Variants in PCDH9 observed in about 807,000 individuals in gnomAD.
PCDH9 encodes the protein protocadherin-9.
Under a neutral mutation model 70.6 loss-of-function variants are expected in PCDH9, and 24 were observed. The ratio of observed to expected loss-of-function variants is 0.34; its 90% CI spans 0.25 to 0.48. PCDH9 has a LOEUF of 0.48. PCDH9 is among the 20% of genes least tolerant of loss of function. The pLI is 0.99. For synonymous variants in PCDH9, 562 were observed against 558.5 expected (o/e 1.01, Z -0.09); for missense variants, 1,281 against 1,503.6 (o/e 0.85, Z 2.45).
At chr13:66,930,697 T>C (rs2082792531) in intron 2 of PCDH9, among the ~76,000 whole-genome samples, 1 of 152,064 alleles carries the variant, frequency 6.6e-6, no homozygotes, top group Non-Finnish European at 1.5e-5. Context: ...TACAAGAATG[T>C]ATTTTGCACA....
chr13:66,317,072 A>G lies in PCDH9; in HGVS notation c.3341-12044T>C, dbSNP rs113718594. On this transcript the variant is annotated intron_variant, in intron 4 of 4. Coordinates refer to ENST00000377865, the MANE Select transcript of PCDH9 (RefSeq NM_203487.3). ...CACTCATCACTACCTTTCACAATAC[A>G]TTTATTTGTTAATGGTCTATCTCTC... is the stretch of plus-strand genomic sequence containing the variant. Among the ~76,000 whole-genome samples the G allele has an allele frequency of 7.4e-3, 1,128 of 152,230 alleles. 10 individuals are homozygous for G. Among genetic ancestry groups the G allele is most frequent in the African/African-American group, 0.025 (1,057 of 41,530 alleles).
intron 4 of PCDH9, among the ~76,000 whole-genome samples, chr13:66,311,788 T>C (rs935821265): frequency 2.0e-5 from 3 of 152,112 alleles, no homozygotes; most frequent in African/African-American, 4.8e-5. Context: ...AATAAATAGA[T>C]GTTTAGTTAT....
At chr13:66,926,827 A>G (rs2082725084) in intron 2 of PCDH9, among the ~76,000 whole-genome samples, 1 of 151,732 alleles carries the variant, frequency 6.6e-6, no homozygotes, top group Non-Finnish European at 1.5e-5. Flanking sequence ...ATGAGCTTAC[A>G]TTCTTTTAGG....
chr13:67,101,623 G>A (rs1040683843), intron 2 of PCDH9, among the ~76,000 whole-genome samples: 4 of 152,114 alleles, frequency 2.6e-5, no homozygotes, highest in Non-Finnish European at 5.9e-5. Context: ...TATGGAAAGA[G>A]TTTTTGTTCA....
intron 2 of PCDH9, among the ~76,000 whole-genome samples, chr13:66,949,221 C>T (rs551072063): frequency 2.0e-5 from 3 of 152,148 alleles, no homozygotes; most frequent in Admixed American, 6.6e-5. Context: ...CATTATAGCA[C>T]GGCAAAGAAA....
At chr13:66,547,824 A>G (rs13378584) in intron 4 of PCDH9, among the ~76,000 whole-genome samples, 221 of 148,428 alleles carry the variant, frequency 1.5e-3, no homozygotes, top group Non-Finnish European at 2.5e-3. Flanking sequence ...TGGATATGTC[A>G]GTATATAAAT....
At chr13:67,171,569 A>T (rs556726761) in intron 2 of PCDH9, among the ~76,000 whole-genome samples, 15 of 152,296 alleles carry the variant, frequency 9.8e-5, no homozygotes, top group African/African-American at 3.6e-4. Flanking sequence ...CAAAATTGTG[A>T]CTGTAGTCAT....
At chr13:66,548,741 CT>C (rs370492348) in intron 4 of PCDH9, among the ~76,000 whole-genome samples, 57 of 151,982 alleles carry the variant, frequency 3.8e-4, no homozygotes, top group African/African-American at 1.4e-3. Flanking sequence ...AAAATGGGAG[CT>C]TTTCAAAGGT....
At chr13:66,938,003 A>C (rs1051016477) in intron 2 of PCDH9, among the ~76,000 whole-genome samples, 3 of 152,208 alleles carry the variant, frequency 2.0e-5, no homozygotes, top group African/African-American at 7.2e-5. Flanking sequence ...GAATAAATAC[A>C]TCATAATCAT....
intron 3 of PCDH9, among the ~76,000 whole-genome samples, chr13:66,855,204 T>A (rs975674037): frequency 1.4e-4 from 22 of 152,098 alleles, no homozygotes; most frequent in Admixed American, 1.1e-3. Flanking sequence ...TTGGATCATG[T>A]CCTTGTGATT....
intron 2 of PCDH9, among the ~76,000 whole-genome samples, chr13:67,035,121 C>T (rs551873385): frequency 3.3e-5 from 5 of 151,942 alleles, no homozygotes; most frequent in Non-Finnish European, 4.4e-5. Flanking sequence ...TATGAAGTTC[C>T]AAGCTGAAGA....
chr13:66,386,300 G>A (rs1956928566), intron 4 of PCDH9, among the ~76,000 whole-genome samples: 1 of 151,882 alleles, frequency 6.6e-6, no homozygotes, highest in Admixed American at 6.6e-5. Flanking sequence ...ACTTAAGTTT[G>A]CTTTTTGGTG....
At chr13:66,744,100 G>A (rs571798596) in intron 3 of PCDH9, among the ~76,000 whole-genome samples, 1 of 152,316 alleles carries the variant, frequency 6.6e-6, no homozygotes, top group Admixed American at 6.5e-5. Context: ...GCAAAATCAT[G>A]ACTGGAATTA....
At chr13:67,007,202 G>C (rs1172040170) in intron 2 of PCDH9, among the ~76,000 whole-genome samples, 1 of 151,794 alleles carries the variant, frequency 6.6e-6, no homozygotes, top group Non-Finnish European at 1.5e-5. Flanking sequence ...GGTTGAAATA[G>C]CTAAAAATAT....
chr13:67,225,593 G>A lies in PCDH9; in HGVS notation c.2848C>T (p.Leu950Phe). The change falls in exon 2 of 5, where the codon CTC becomes TTC. Residue 950 changes from leucine (L) to phenylalanine (F), a missense_variant. By Grantham distance (22) the Leu-to-Phe change is conservative. Transcript: ENST00000377865. ...ACGGAAACTGGAGTGTCTGGTTTGA[G>A]ATGAAAAGCAGGCTGTGGAGAAGCA... Reference protein sequence around the residue: ...KSASPQPAFHLKPDTPVSVKK... With the variant: ...KSASPQPAFHFKPDTPVSVKK... The A allele has an allele frequency of 6.2e-7, 1 of 1,614,182 alleles. No homozygotes were observed. The highest frequency in any genetic ancestry group is 8.5e-7 in the Non-Finnish European group (1 of 1,180,016).
chr13:66,843,371 CACAT>C (rs2081149352), intron 3 of PCDH9, among the ~76,000 whole-genome samples: 1 of 152,062 alleles, frequency 6.6e-6, no homozygotes, highest in East Asian at 1.9e-4. Context: ...CACACACACA[CACAT>C]ATACATGCAA....
Position 66,512,282 on chromosome 13 carries a change from T to TTATATA in PCDH9, c.3340+118922_3340+118927dup, listed in dbSNP as rs35496834. Among the ~76,000 whole-genome samples the TTATATA allele has an allele frequency of 1.2e-3, 174 of 144,428 alleles. 2 individuals are homozygous for TTATATA. Among genetic ancestry groups the TTATATA allele is most frequent in the Non-Finnish European group, 1.6e-3 (109 of 66,296 alleles). 94.8% of individuals were successfully genotyped at this position (144,428 alleles called of 152,430 possible). A position where few individuals can be genotyped will look rare whatever the true frequency, so the allele number is the denominator to read the frequency against. On this transcript the variant is annotated intron_variant, in intron 4 of 4. Coordinates refer to ENST00000377865, the MANE Select transcript of PCDH9 (RefSeq NM_203487.3). ...AAAATATATACAGATACCTTAGGAA[T>TTATATA]TATATATATATATATATATATACAC...
chr13:66,714,502 G>A (rs377406875), intron 3 of PCDH9, among the ~76,000 whole-genome samples: 59 of 151,562 alleles, frequency 3.9e-4, no homozygotes, highest in African/African-American at 1.4e-3. Context: ...TGATTTTATA[G>A]GAATGAAGAG....
intron 2 of PCDH9, among the ~76,000 whole-genome samples, chr13:67,076,611 T>C (rs934084393): frequency 2.0e-5 from 3 of 152,094 alleles, no homozygotes; most frequent in Non-Finnish European, 4.4e-5. Context: ...ATTACTTAAA[T>C]CAAGAGCTAA....
Sources: allele counts gnomAD v4.1 joint callset (sites outside exome capture counted in the v4.1 genomes callset), GRCh38; gene constraint gnomAD v4.1.1; transcripts MANE v1.5; gene names NCBI Gene and HGNC (gene_info 2026-07-23, HGNC 2026-07-21).